SCAPER: variants seen among roughly 807,000 people sequenced by gnomAD.
SCAPER encodes the protein S-phase cyclin A associated protein in the ER.
In SCAPER, 98 loss-of-function variants were observed where a neutral mutation model predicts 182.2. The observed-to-expected ratio is 0.54, with a 90% CI of 0.46 to 0.64. The LOEUF is 0.64. Among genes scored for constraint, SCAPER ranks in the 30% least tolerant of loss-of-function variants. The probability of loss-of-function intolerance (pLI) is 0.00; values close to 1 mark genes in which losing one functional copy is unlikely to be tolerated. For synonymous variants in SCAPER, 605 were observed against 564.6 expected (o/e 1.07, Z -1.01); for missense variants, 1,432 against 1,690.0 (o/e 0.85, Z 2.68).
At chr15:76,492,566 T>C (rs1173129660) in intron 24 of SCAPER, among the ~76,000 whole-genome samples, 4 of 152,142 alleles carry the variant, frequency 2.6e-5, no homozygotes, top group African/African-American at 4.8e-5. Context: ...AAAAACATAT[T>C]TGTAAGAAGT....
At chr15:76,746,676 T>C (rs1053010042) in intron 15 of SCAPER, among the ~76,000 whole-genome samples, 1 of 152,216 alleles carries the variant, frequency 6.6e-6, no homozygotes, top group Admixed American at 6.5e-5. Flanking sequence ...CAAACAAGAT[T>C]ACAAGACATA....
intron 23 of SCAPER, among the ~76,000 whole-genome samples, chr15:76,565,528 C>A (rs2046975665): frequency 6.6e-6 from 1 of 152,048 alleles, no homozygotes; most frequent in Non-Finnish European, 1.5e-5. Context: ...AAAAAAATAA[C>A]AGATGCTGGT....
intron 15 of SCAPER, among the ~76,000 whole-genome samples, chr15:76,737,409 T>C (rs1252371738): frequency 6.6e-6 from 1 of 152,210 alleles, no homozygotes; most frequent in Non-Finnish European, 1.5e-5. Flanking sequence ...GTCTCAACAG[T>C]GGATTTAAAA....
intron 9 of SCAPER, among the ~76,000 whole-genome samples, 173 bp from the exon 10 acceptor site, chr15:76,772,127 G>C (rs1244175453): frequency 2.0e-5 from 3 of 152,034 alleles, no homozygotes; most frequent in African/African-American, 7.2e-5. Flanking sequence ...CAAAAGGACA[G>C]GGACCATTAA....
Position 76,771,833 on chromosome 15 carries a change from G to A in SCAPER, c.1157C>T (p.Ala386Val). Reference protein sequence around the residue: ...DTECVSVMLQAGTPPLQVNEE... With the variant: ...DTECVSVMLQVGTPPLQVNEE... ...ATTTACTTGTAAAGGAGGTGTACCA[G>A]CTTGCAGCATAACTGAAACACACTC... The change falls in exon 10 of 32, where the codon GCT becomes GTT. Residue 386 changes from alanine (A) to valine (V), a missense_variant. By Grantham distance (64) the Ala-to-Val change is moderately conservative. Transcript: ENST00000563290. 6.2e-7 allele frequency: 1 copy of A among 1,613,210 alleles called. No homozygotes were observed. The highest frequency in any genetic ancestry group is 8.5e-7 in the Non-Finnish European group (1 of 1,179,418).
At chr15:76,884,914 C>T (rs778366039) in intron 1 of SCAPER, among the ~76,000 whole-genome samples, 11 of 152,088 alleles carry the variant, frequency 7.2e-5, no homozygotes, top group African/African-American at 1.2e-4. Context: ...GTGAAAGAAG[C>T]CAGTTATAAA....
intron 20 of SCAPER, among the ~76,000 whole-genome samples, chr15:76,675,761 C>T (rs1229965225): frequency 2.0e-5 from 3 of 152,032 alleles, no homozygotes; most frequent in Non-Finnish European, 2.9e-5. Context: ...CACTTGAACG[C>T]TTCTGTATTT....
chr15:76,846,237 T>C (rs558220374), intron 4 of SCAPER, among the ~76,000 whole-genome samples: 7 of 152,078 alleles, frequency 4.6e-5, no homozygotes, highest in African/African-American at 1.2e-4. Flanking sequence ...AACTATGAAA[T>C]TGCTACAAGA....
At chr15:76,567,356 T>C (rs1437565865) in intron 23 of SCAPER, 2 of 454,672 alleles carry the variant, frequency 4.4e-6, no homozygotes, top group Admixed American at 2.4e-5. Context: ...TGAACATTTG[T>C]GTATATCTTG....
chr15:76,717,430 A>G (rs2059947172), intron 17 of SCAPER, among the ~76,000 whole-genome samples: 1 of 152,160 alleles, frequency 6.6e-6, no homozygotes, highest in South Asian at 2.1e-4. Context: ...TATCTCTATT[A>G]TGAAGGCTAA....
chr15:76,732,434 G>C (rs529012659), intron 16 of SCAPER, among the ~76,000 whole-genome samples: 1 of 152,202 alleles, frequency 6.6e-6, no homozygotes, highest in East Asian at 1.9e-4. Flanking sequence ...TACAGAGATA[G>C]GAGCTGAGGG....
At chr15:76,422,053 C>G (rs200121870) in intron 26 of SCAPER, among the ~76,000 whole-genome samples, 3 of 151,986 alleles carry the variant, frequency 2.0e-5, no homozygotes, top group Non-Finnish European at 4.4e-5. Flanking sequence ...AGTCAGGTAG[C>G]GTGATGCCTC....
At chr15:76,709,852 A>C (rs2059468874) in intron 17 of SCAPER, among the ~76,000 whole-genome samples, 2 of 152,238 alleles carry the variant, frequency 1.3e-5, no homozygotes, top group African/African-American at 2.4e-5. Flanking sequence ...CAAGAATGCA[A>C]GGTTATCTTA....
chr15:76,515,272 AGAGT>A (rs1259538030), intron 23 of SCAPER, among the ~76,000 whole-genome samples: 1 of 152,214 alleles, frequency 6.6e-6, no homozygotes, highest in Non-Finnish European at 1.5e-5. Context: ...AGGAAAGAGC[AGAGT>A]GAGTGAGAGA....
At chr15:76,773,716 A>G (rs956065994) in intron 9 of SCAPER, among the ~76,000 whole-genome samples, 4 of 151,938 alleles carry the variant, frequency 2.6e-5, no homozygotes, top group African/African-American at 9.7e-5. Context: ...TCTCATCAGT[A>G]AAGGAAGATA....
chr15:76,536,286 G>T (rs1187532543), intron 23 of SCAPER, among the ~76,000 whole-genome samples: 1 of 152,096 alleles, frequency 6.6e-6, no homozygotes, highest in African/African-American at 2.4e-5. Context: ...TTCAGCTCAA[G>T]AGTTCACATC....
chr15:76,609,333 A>G (rs926840409), intron 22 of SCAPER, among the ~76,000 whole-genome samples: 1 of 151,836 alleles, frequency 6.6e-6, no homozygotes, highest in African/African-American at 2.4e-5. Context: ...CTTAAAAAAA[A>G]AAAAAAAATG....
chr15:76,687,280 G>A (rs1000402031), intron 20 of SCAPER, among the ~76,000 whole-genome samples: 3 of 151,836 alleles, frequency 2.0e-5, no homozygotes, highest in Non-Finnish European at 4.4e-5. Context: ...TATACCCAGA[G>A]AGAAAAGAGA....
chr15:76,526,412 T>C (rs2144424133), intron 23 of SCAPER, among the ~76,000 whole-genome samples: 1 of 152,322 alleles, frequency 6.6e-6, no homozygotes, highest in East Asian at 1.9e-4. Flanking sequence ...ATTTTCTTCT[T>C]CTCTTTGATC....
Sources: gnomAD v4.1 joint callset for allele counts (sites outside exome capture counted in the v4.1 genomes callset) on GRCh38, gnomAD v4.1.1 for gene constraint, MANE v1.5 for transcripts, NCBI Gene and HGNC (gene_info 2026-07-23, HGNC 2026-07-21) for gene names.